PTPRK: variants seen among roughly 807,000 people sequenced by gnomAD.
PTPRK encodes protein tyrosine phosphatase receptor type K.
A neutral mutation model predicts 178.0 loss-of-function variants in PTPRK; 75 were observed. The ratio of observed to expected loss-of-function variants is 0.42; its 90% CI spans 0.35 to 0.51. PTPRK has a LOEUF of 0.51. PTPRK is among the 20% of genes least tolerant of loss of function. The pLI is 0.02. For synonymous variants in PTPRK, 637 were observed against 620.6 expected (o/e 1.03, Z -0.39); for missense variants, 1,441 against 1,797.8 (o/e 0.80, Z 3.59).
chr6:128,187,958 C>A (rs780551508), intron 6 of PTPRK, among the ~76,000 whole-genome samples: 4 of 152,192 alleles, frequency 2.6e-5, no homozygotes, highest in Non-Finnish European at 4.4e-5. Context: ...TATAAAATTT[C>A]TATTCATTTC....
At chr6:128,170,623 T>C (rs1278819295) in intron 7 of PTPRK, among the ~76,000 whole-genome samples, 1 of 152,032 alleles carries the variant, frequency 6.6e-6, no homozygotes, top group Non-Finnish European at 1.5e-5. Context: ...GAATTCATGG[T>C]CATCTCTTAA....
At chr6:128,051,869 C>CT (rs1562497079) in intron 13 of PTPRK, among the ~76,000 whole-genome samples, 1 of 151,936 alleles carries the variant, frequency 6.6e-6, no homozygotes, top group East Asian at 1.9e-4. Context: ...TGGCATAAAT[C>CT]ATTTTTTTTT....
At chr6:128,168,190 G>A (rs776416157) in intron 7 of PTPRK, among the ~76,000 whole-genome samples, 1 of 151,920 alleles carries the variant, frequency 6.6e-6, no homozygotes, top group African/African-American at 2.4e-5. Flanking sequence ...CCAAATAAGC[G>A]GCAGCTCAAT....
chr6:128,176,430 T>C (rs565742149), intron 7 of PTPRK, among the ~76,000 whole-genome samples: 2 of 151,944 alleles, frequency 1.3e-5, no homozygotes, highest in Non-Finnish European at 2.9e-5. Context: ...TTCACTGAGA[T>C]GATTTGGCTG....
chr6:128,161,898 C>T lies in PTPRK; in HGVS notation c.1162+22534G>A, dbSNP rs372053832. On this transcript the variant is annotated intron_variant, in intron 7 of 29. Coordinates refer to ENST00000368226, the MANE Select transcript of PTPRK (RefSeq NM_002844.4). The stretch of plus-strand genomic sequence containing the variant: ...CAGCATCAGCAGAAAAAGCAAACGT[C>T]CCTAATTTCAACCAAGACTATGTCA... Among the ~76,000 whole-genome samples, 69 of 151,584 alleles carry T rather than the reference C, an allele frequency of 4.6e-4. 3 individuals are homozygous for T. The South Asian group carries it at 0.014, about 31-fold the overall frequency.
chr6:128,301,461 T>G (rs2128312177), intron 3 of PTPRK, among the ~76,000 whole-genome samples: 1 of 152,184 alleles, frequency 6.6e-6, no homozygotes, highest in Non-Finnish European at 1.5e-5. Context: ...AAATTTAACA[T>G]TTAAGAAGCT....
chr6:128,403,476 T>C (rs1295668061), intron 1 of PTPRK, among the ~76,000 whole-genome samples: 1 of 152,214 alleles, frequency 6.6e-6, no homozygotes, highest in Non-Finnish European at 1.5e-5. Context: ...TTACCTCTTT[T>C]AGCTTCAATT....
chr6:128,318,449 TAAG>T (rs1192674669), intron 3 of PTPRK, among the ~76,000 whole-genome samples: 3 of 152,184 alleles, frequency 2.0e-5, no homozygotes, highest in Non-Finnish European at 2.9e-5. Flanking sequence ...TGGAAAATGT[TAAG>T]AAGAAAATGC....
In PTPRK at chr6:128,078,805, C is replaced by T; in HGVS notation, c.1883+8G>A. ...TAAGGCAGAACTACTGTAGTTTTCTCCTCTTACCTGATAGGAGCACCTTTG... is the reference window on the plus strand; with the variant it reads ...TAAGGCAGAACTACTGTAGTTTTCTTCTCTTACCTGATAGGAGCACCTTTG... On this transcript the variant is annotated splice_region_variant and intron_variant, in intron 11 of 29. Transcript: ENST00000368226. 6.3e-7 allele frequency: 1 copy of T among 1,590,762 alleles called. No homozygotes were observed. The highest frequency in any genetic ancestry group is 2.2e-5 in the East Asian group (1 of 44,728).
intron 2 of PTPRK, among the ~76,000 whole-genome samples, chr6:128,371,759 C>T (rs1836321272): frequency 6.6e-6 from 1 of 151,954 alleles, no homozygotes; most frequent in Non-Finnish European, 1.5e-5. Flanking sequence ...CCTGTAGTTC[C>T]AGCTACTGGG....
intron 3 of PTPRK, among the ~76,000 whole-genome samples, chr6:128,308,936 G>A (rs1584064845): frequency 6.6e-6 from 1 of 152,068 alleles, no homozygotes; most frequent in South Asian, 2.1e-4. Context: ...CTGGAGAAAA[G>A]AATCAAAGAT....
chr6:128,515,993 A>G (rs1446496852), intron 1 of PTPRK, among the ~76,000 whole-genome samples: 1 of 152,256 alleles, frequency 6.6e-6, no homozygotes, highest in East Asian at 1.9e-4. Flanking sequence ...GGCCAGAAAA[A>G]CCTGTAACAA....
At chr6:128,038,933 T>A (rs906066863) in intron 13 of PTPRK, among the ~76,000 whole-genome samples, 1 of 152,150 alleles carries the variant, frequency 6.6e-6, no homozygotes, top group South Asian at 2.1e-4. Flanking sequence ...TATCTGCCCA[T>A]CACATAAGCG....
chr6:128,154,031 T>C (rs569729693), intron 7 of PTPRK, among the ~76,000 whole-genome samples: 2 of 151,918 alleles, frequency 1.3e-5, no homozygotes, highest in South Asian at 2.1e-4. Flanking sequence ...TAGCTAAGAA[T>C]TGATTTCTGA....
chr6:128,064,139 T>C (rs902454790), intron 13 of PTPRK, among the ~76,000 whole-genome samples: 2 of 152,152 alleles, frequency 1.3e-5, no homozygotes, highest in East Asian at 1.9e-4. Flanking sequence ...TTTCCCCCAC[T>C]TGGAACTCTA....
chr6:128,362,947 A>G (rs1211576569), intron 2 of PTPRK, among the ~76,000 whole-genome samples: 3 of 152,174 alleles, frequency 2.0e-5, no homozygotes, highest in Non-Finnish European at 4.4e-5. Flanking sequence ...TTTGACTATT[A>G]TGAAATAGGT....
intron 1 of PTPRK, among the ~76,000 whole-genome samples, chr6:128,485,273 T>G (rs1376728712): frequency 6.6e-6 from 1 of 152,226 alleles, no homozygotes; most frequent in East Asian, 1.9e-4. Flanking sequence ...TCTAAGTAAG[T>G]AACCAGCTAT....
chr6:127,985,798 A>G lies in PTPRK; in HGVS notation c.3174T>C (p.Ala1058=). The G allele has an allele frequency of 6.2e-7, 1 of 1,614,004 alleles. No homozygotes were observed. The highest frequency in any genetic ancestry group is 8.5e-7 in the Non-Finnish European group (1 of 1,179,892). Residue 1058 remains alanine (A), a synonymous_variant, in exon 22 of 30, where the codon GCT becomes GCC. Coordinates refer to ENST00000368226, the MANE Select transcript of PTPRK (RefSeq NM_002844.4). ...GWPDHGVPYH[A]TGLLSFIRRV... is the part of the protein sequence containing the mutation. ...GCCGGATAAAGGAAAGCAGCCCTGT[A>G]GCATGGTAGGGCACTCCATGGTCAG... is the stretch of plus-strand genomic sequence containing the variant.
At chr6:128,175,781 T>A (rs1314189822) in intron 7 of PTPRK, among the ~76,000 whole-genome samples, 1 of 151,756 alleles carries the variant, frequency 6.6e-6, no homozygotes, top group African/African-American at 2.4e-5. Context: ...AAAAAATAAT[T>A]TGGGTACGTA....
Sources: allele counts gnomAD v4.1 joint callset (sites outside exome capture counted in the v4.1 genomes callset), GRCh38; gene constraint gnomAD v4.1.1; transcripts MANE v1.5; gene names NCBI Gene and HGNC (gene_info 2026-07-23, HGNC 2026-07-21).